Variants in TMEM70 observed in about 807,000 individuals in gnomAD.
TMEM70 encodes the protein transmembrane protein 70, also known as transmembrane protein 70, mitochondrial.
TMEM70 carries 15 observed loss-of-function variants against 20.5 expected under a neutral mutation model. The ratio of observed to expected loss-of-function variants is 0.73; its 90% CI spans 0.49 to 1.13. TMEM70 has a LOEUF of 1.13. Ranked by LOEUF, TMEM70 falls within the 50% of genes most tolerant of loss-of-function variation. The probability of loss-of-function intolerance (pLI) is 0.00; values close to 1 mark genes in which losing one functional copy is unlikely to be tolerated. For synonymous variants in TMEM70, 141 were observed against 134.2 expected, an observed-to-expected ratio of 1.05 and a Z score of -0.35; for missense variants, 344 against 331.7, an observed-to-expected ratio of 1.04 and a Z score of -0.29.
At position 73,978,280 on chromosome 8, in the gene TMEM70, T is replaced by G. The variant is rs563733171; in HGVS notation, c.211-476T>G. ...GTTTGCATTTTTAGTAGAGACGGGG[T>G]TTCACCATGTTGGCCAGGCTGGTCT... is the stretch of plus-strand genomic sequence containing the variant. On this transcript the variant is annotated intron_variant, in intron 1 of 2. Transcript: ENST00000312184. Among the ~76,000 whole-genome samples the G allele has an allele frequency of 9.0e-4, 130 of 144,386 alleles. 3 individuals carry two copies. Among genetic ancestry groups the G allele is most frequent in the African/African-American group, 3.1e-3 (122 of 39,846 alleles). 94.7% of individuals were successfully genotyped at this position (144,386 alleles called of 152,430 possible). A position where few individuals can be genotyped will look rare whatever the true frequency, so the allele number is the denominator to read the frequency against.
rs752270569 is a variant in TMEM70, at chr8:73,976,202, C to T, written c.-80C>T. On this transcript the variant is annotated 5_prime_UTR_variant, in exon 1 of 3. Coordinates refer to ENST00000312184, the MANE Select transcript of TMEM70 (RefSeq NM_017866.6). ...CCGGGCTGGGCATGCGCCACTTGTG[C>T]GGCAGTCGGGTGGGAAGCCGTGTCT... 2 of 1,351,380 alleles carry T rather than the reference C, an allele frequency of 1.5e-6. No homozygotes were observed. The highest frequency in any genetic ancestry group is 2.1e-6 in the Non-Finnish European group (2 of 974,840). 83.7% of individuals were successfully genotyped at this position (1,351,380 alleles called of 1,614,324 possible).
At chr8:73,980,529 G>C (rs1018342658) in intron 2 of TMEM70, among the ~76,000 whole-genome samples, 3 of 152,180 alleles carry the variant, frequency 2.0e-5, no homozygotes, top group South Asian at 4.1e-4. Flanking sequence ...ACCATGCCCA[G>C]CTAATTTTTG....
chr8:73,976,286 T>C lies in TMEM70; in HGVS notation c.5T>C (p.Leu2Pro), dbSNP rs1477031691. 3.7e-6 allele frequency: 6 copies of C among 1,600,412 alleles called. No individual in the cohort carries two copies. The highest frequency in any genetic ancestry group is 3.4e-6 in the Non-Finnish European group (4 of 1,179,492). The change falls in exon 1 of 3, where the codon CTG (leucine) becomes CCG (proline). Residue 2 changes from leucine to proline, a missense_variant. Transcript: ENST00000312184. The stretch of plus-strand genomic sequence containing the variant: ...CAGCCGCTCGTCACCCGCGTGATGC[T>C]GTTTCTGGCGTTGGGCAGCCCGTGG... M[L>P]FLALGSPWAV...
Sources: allele counts gnomAD v4.1 joint callset (sites outside exome capture counted in the v4.1 genomes callset), GRCh38; gene constraint gnomAD v4.1.1; transcripts MANE v1.5; gene names NCBI Gene and HGNC (gene_info 2026-07-23, HGNC 2026-07-21).